The following NDE1 variants were observed in gnomAD, a reference collection of about 807,000 sequenced individuals.
NDE1 encodes nudE neurodevelopment protein 1, also known as nuclear distribution protein nudE homolog 1.
NDE1 carries 28 observed loss-of-function variants against 43.4 expected under a neutral mutation model. The ratio of observed to expected loss-of-function variants is 0.65; its 90% CI spans 0.48 to 0.89. The LOEUF is 0.89. Among genes scored for constraint, NDE1 ranks in the 40% least tolerant of loss-of-function variants. The pLI is 0.00. For missense variants in NDE1, 441 were observed against 434.1 expected (o/e 1.02, Z -0.14); for synonymous variants, 184 against 172.0 (o/e 1.07, Z -0.55).
chr16:15,715,012 G>A lies in NDE1; in HGVS notation c.948-9179G>A, dbSNP rs992494235. On this transcript the variant is annotated intron_variant, in intron 8 of 8. Transcript: ENST00000396354. ...AGCTTCCTGCGGTTGGCGTTGATGCGCTGGGACTCCTCCTCTGCCTCCTCC... is the reference window on the plus strand; with the variant it reads ...AGCTTCCTGCGGTTGGCGTTGATGCACTGGGACTCCTCCTCTGCCTCCTCC... The A allele has an allele frequency of 3.1e-6, 5 of 1,613,924 alleles. No individual in the cohort carries two copies. Among genetic ancestry groups the A allele is most frequent in the East Asian group, 2.2e-5 (1 of 44,874 alleles).
At chr16:15,679,109 AC>A (rs1400558758) in intron 4 of NDE1, among the ~76,000 whole-genome samples, 215 of 152,148 alleles carry the variant, frequency 1.4e-3, no homozygotes, top group African/African-American at 5.0e-3. Flanking sequence ...CAACAAAAAA[AC>A]AAAAAAAGCA....
intron 6 of NDE1, 129 bp downstream of exon 6, chr16:15,691,452 CAGAG>C: frequency 1.9e-6 from 2 of 1,079,996 alleles, no homozygotes; most frequent in Non-Finnish European, 2.7e-6. Flanking sequence ...AGGCTTTGAG[CAGAG>C]AGTAGACTGG....
At position 15,691,142 on chromosome 16, in the gene NDE1, A is replaced by G; in HGVS notation, c.524-2A>G. 1 of 1,614,102 alleles carries G rather than the reference A, an allele frequency of 6.2e-7. No individual in the cohort carries two copies. The highest frequency in any genetic ancestry group is 8.5e-7 in the Non-Finnish European group (1 of 1,180,022). On this transcript the variant is annotated splice_acceptor_variant, in intron 5 of 8. Transcript: ENST00000396354. LOFTEE classifies it high-confidence loss of function. ...AATTCCTGAATCCTTTTTCTGGCAC[A>G]GATTTGCGGCAGGAACTGGCCGTGC...
At chr16:15,716,134 G>C (rs1482205018) in intron 8 of NDE1, among the ~76,000 whole-genome samples, 1 of 151,946 alleles carries the variant, frequency 6.6e-6, no homozygotes, top group African/African-American at 2.4e-5. Context: ...TTGCTATGCT[G>C]CCCAGACTGG....
intron 8 of NDE1, chr16:15,699,660 C>G (rs1213066662): frequency 2.3e-6 from 3 of 1,302,770 alleles, no homozygotes; most frequent in Non-Finnish European, 3.0e-6. Flanking sequence ...TTATAACTCT[C>G]TGGGCCCCGG....
At chr16:15,715,393 G>C in intron 8 of NDE1, 2 of 836,058 alleles carry the variant, frequency 2.4e-6, no homozygotes, top group East Asian at 2.5e-5. Flanking sequence ...CTCCTCTCAA[G>C]AATCAGTCAG....
chr16:15,669,833 C>A (rs1011407624), intron 3 of NDE1, among the ~76,000 whole-genome samples: 1 of 152,174 alleles, frequency 6.6e-6, no homozygotes, highest in Non-Finnish European at 1.5e-5. Context: ...GGCCTCCACC[C>A]TCTAGATGCC....
chr16:15,667,976 T>G (rs980710270), intron 3 of NDE1, among the ~76,000 whole-genome samples: 2 of 151,738 alleles, frequency 1.3e-5, no homozygotes, highest in African/African-American at 4.8e-5. Context: ...GACTTTTTTT[T>G]TTTTTTGAAA....
At chr16:15,671,849 C>T (rs547131681) in intron 3 of NDE1, among the ~76,000 whole-genome samples, 2 of 151,976 alleles carry the variant, frequency 1.3e-5, no homozygotes, top group African/African-American at 2.4e-5. Context: ...TGCCACACCA[C>T]GCCTGGCTAA....
chr16:15,720,800 AC>A (rs1488092865), intron 8 of NDE1: 1 of 1,605,566 alleles, frequency 6.2e-7, no homozygotes, highest in Admixed American at 1.7e-5. Context: ...GAAAAAGGCC[AC>A]CCGACCTCCC....
intron 8 of NDE1, among the ~76,000 whole-genome samples, chr16:15,711,893 A>G (rs536541402): frequency 6.6e-6 from 1 of 152,236 alleles, no homozygotes; most frequent in East Asian, 1.9e-4. Flanking sequence ...GGGTTTCACC[A>G]TGTTGGTCAG....
At chr16:15,659,823 A>C (rs376286534) in intron 1 of NDE1, among the ~76,000 whole-genome samples, 9 of 146,256 alleles carry the variant, frequency 6.2e-5, no homozygotes, top group African/African-American at 2.3e-4. Context: ...ATCTCAGCTC[A>C]TTGCAACCTC....
chr16:15,678,366 C>G (rs552449040), intron 4 of NDE1, among the ~76,000 whole-genome samples: 1 of 152,148 alleles, frequency 6.6e-6, no homozygotes, highest in South Asian at 2.1e-4. Flanking sequence ...TTTCAAAGAA[C>G]AGTTTTTTGT....
At chr16:15,677,045 A>G (rs2037918113) in intron 3 of NDE1, among the ~76,000 whole-genome samples, 1 of 152,186 alleles carries the variant, frequency 6.6e-6, no homozygotes, top group African/African-American at 2.4e-5. Flanking sequence ...TGTTGAGAGT[A>G]GGCAAGATTC....
rs2037228698 is a variant in NDE1, at chr16:15,664,955, G to T, written c.83+94G>T. 6 of 999,934 alleles carry T rather than the reference G, an allele frequency of 6.0e-6. No individual in the cohort carries two copies. The African/African-American group carries it at 6.5e-5, about 11-fold the overall frequency. 61.9% of individuals were successfully genotyped at this position (999,934 alleles called of 1,614,324 possible). ...GGCTGAGTGCGGTGGCTGTTCCTAG[G>T]CGTGATCATAGTGCACAGCCGCCTT... On this transcript the variant is annotated intron_variant, in intron 2 of 8. Coordinates refer to ENST00000396354, the MANE Select transcript of NDE1 (RefSeq NM_017668.3).
intron 4 of NDE1, 110 bp downstream of exon 4, chr16:15,678,059 G>A: frequency 1.4e-6 from 2 of 1,380,244 alleles, no homozygotes; most frequent in Non-Finnish European, 2.1e-6. Context: ...GCAGTGAGCA[G>A]AACAAAGCCA....
In NDE1 at chr16:15,687,947, C is replaced by T. The variant is rs555259546; in HGVS notation, c.523+436C>T. Reference sequence around the variant, plus strand: ...CTGTAATCCCAGCACTTTGGGAGGCCGAGGATCTCTTGAGCCCAGGAGTTT... The same window carrying T: ...CTGTAATCCCAGCACTTTGGGAGGCTGAGGATCTCTTGAGCCCAGGAGTTT... On this transcript the variant is annotated intron_variant, in intron 5 of 8. Transcript: ENST00000396354. Among the ~76,000 whole-genome samples, 17 of 150,748 alleles carry T rather than the reference C, an allele frequency of 1.1e-4. No homozygotes were observed. In the South Asian group the frequency reaches 3.2e-3, roughly 28 times the overall value.
At chr16:15,719,564 C>G (rs749637772) in intron 8 of NDE1, 2 of 1,613,678 alleles carry the variant, frequency 1.2e-6, no homozygotes, top group East Asian at 2.2e-5. Context: ...CTGAGGCTCT[C>G]CTAGCAAGGC....
At chr16:15,659,582 G>A (rs1457550605) in intron 1 of NDE1, among the ~76,000 whole-genome samples, 7 of 150,566 alleles carry the variant, frequency 4.6e-5, no homozygotes, top group African/African-American at 7.3e-5. Context: ...GATTACAGGC[G>A]CACACCACCA....
Sources: allele counts gnomAD v4.1 joint callset (sites outside exome capture counted in the v4.1 genomes callset), GRCh38; gene constraint gnomAD v4.1.1; transcripts MANE v1.5; gene names NCBI Gene and HGNC (gene_info 2026-07-23, HGNC 2026-07-21).